Variants in IGHMBP2 observed in about 807,000 individuals in gnomAD.
The protein encoded by IGHMBP2 is DNA-binding protein SMUBP-2.
A neutral mutation model predicts 96.0 loss-of-function variants in IGHMBP2; 81 were observed. That is an observed-to-expected ratio of 0.84 (90% CI 0.71 to 1.01). The LOEUF is 1.01. Ranked by LOEUF, IGHMBP2 falls within the 50% of genes least tolerant of loss-of-function variation. The probability of loss-of-function intolerance (pLI) is 0.00; values close to 1 mark genes in which losing one functional copy is unlikely to be tolerated. For synonymous variants in IGHMBP2, 557 were observed against 548.9 expected, an observed-to-expected ratio of 1.01 and a Z score of -0.21; for missense variants, 1,227 against 1,306.3, an observed-to-expected ratio of 0.94 and a Z score of 0.94.
chr11:68,930,091 C>T (rs1859226416), intron 8 of IGHMBP2: 2 of 1,178,448 alleles, frequency 1.7e-6, no homozygotes, highest in African/African-American at 3.2e-5. Context: ...TGCCCTCTCT[C>T]CAGATGAACC....
intron 8 of IGHMBP2, chr11:68,930,030 G>A: frequency 3.6e-6 from 4 of 1,098,546 alleles, no homozygotes; most frequent in Non-Finnish European, 4.4e-6. Context: ...CAGCCACACA[G>A]GCCTCGCTGG....
In IGHMBP2 at chr11:68,908,597, T is replaced by A; in HGVS notation, c.513T>A (p.Phe171Leu). The A allele has an allele frequency of 6.2e-7, 1 of 1,613,982 alleles. No homozygotes were observed. Among genetic ancestry groups the A allele is most frequent in the South Asian group, 1.1e-5 (1 of 91,078 alleles). Residue 171 changes from phenylalanine to leucine, a missense_variant, in exon 4 of 15, where the codon TTT becomes TTA. Transcript: ENST00000255078. ...GPASSLIEVL[F>L]GRSAPSPASE... ...CCTCCTCACTCATAGAAGTGCTCTT[T>A]GGCAGATCTGCTCCCAGTCCTGCCA...
intron 8 of IGHMBP2, chr11:68,933,044 C>T (rs1470990304): frequency 7.0e-6 from 4 of 567,818 alleles, no homozygotes; most frequent in South Asian, 6.0e-5. Context: ...GCCTCCCCAT[C>T]CCAGGATCCT....
rs11418103 is a variant in IGHMBP2 at position 68,916,975 on chromosome 11, CTTTTTTTTTTTTTTTT to C, written c.913-750_913-735del. On this transcript the variant is annotated intron_variant, in intron 6 of 14. Coordinates refer to ENST00000255078, the MANE Select transcript of IGHMBP2 (RefSeq NM_002180.3). Reference sequence around the variant, plus strand: ...AATCACAAATAAGGAAAGGTTACATCTTTTTTTTTTTTTTTTTTTTTTTTTTAAAGAATCTTGCTCT... The same window carrying C: ...AATCACAAATAAGGAAAGGTTACATCTTTTTTTTTTAAAGAATCTTGCTCT... Among the ~76,000 whole-genome samples, 4 of 103,350 alleles carry C rather than the reference CTTTTTTTTTTTTTTTT, an allele frequency of 3.9e-5. No homozygotes were observed. In the South Asian group the frequency reaches 1.7e-3, roughly 43 times the overall value. 67.8% of individuals were successfully genotyped at this position (103,350 alleles called of 152,430 possible).
chr11:68,938,362 G>A lies in IGHMBP2; in HGVS notation c.2784+8G>A, dbSNP rs939288295. ...AGCCACCACCTGCCCGAGGTATGTCGGCCTCCCCTCCTGCGATCAAACAGT... is the reference window on the plus strand; with the variant it reads ...AGCCACCACCTGCCCGAGGTATGTCAGCCTCCCCTCCTGCGATCAAACAGT... On this transcript the variant is annotated splice_region_variant and intron_variant, in intron 14 of 14. Transcript: ENST00000255078. 4.4e-6 allele frequency: 7 copies of A among 1,604,364 alleles called. No homozygotes were observed. Among genetic ancestry groups the A allele is most frequent in the East Asian group, 2.2e-5 (1 of 44,502 alleles).
intron 7 of IGHMBP2, among the ~76,000 whole-genome samples, chr11:68,918,690 G>T (rs1680302673): frequency 6.6e-6 from 1 of 152,038 alleles, no homozygotes; most frequent in Admixed American, 6.6e-5. Flanking sequence ...AACAAAAAAA[G>T]AGACAGGGTC....
At chr11:68,908,692 G>A in intron 4 of IGHMBP2, 61 bp downstream of exon 4, 1 of 1,161,188 alleles carries the variant, frequency 8.6e-7, no homozygotes, top group Non-Finnish European at 1.3e-6. Context: ...AGAGAACAGT[G>A]TGACCTTGGG....
intron 14 of IGHMBP2, 94 bp from the exon 15 acceptor site, chr11:68,939,440 G>A: frequency 3.0e-6 from 4 of 1,339,918 alleles, no homozygotes; most frequent in Non-Finnish European, 4.2e-6. Context: ...CTCTGTTGGG[G>A]CGCCTGTGGC....
chr11:68,917,970 T>A, intron 7 of IGHMBP2, 87 bp downstream of exon 7: 1 of 1,435,216 alleles, frequency 7.0e-7, no homozygotes, highest in Non-Finnish European at 9.8e-7. Flanking sequence ...AGAGTTTGTT[T>A]AGAATTGGTA....
chr11:68,939,737 C>G lies in IGHMBP2; in HGVS notation c.*6C>G. Reference sequence around the variant, plus strand: ...GGAAGGAGAGGGGGACGTGACCGGCCGCATCCTTGCACGCCCCGCGGAGCT... The same window carrying G: ...GGAAGGAGAGGGGGACGTGACCGGCGGCATCCTTGCACGCCCCGCGGAGCT... On this transcript the variant is annotated 3_prime_UTR_variant, in exon 15 of 15. Transcript: ENST00000255078. 1.9e-6 allele frequency: 3 copies of G among 1,603,914 alleles called. No homozygotes were observed. Among genetic ancestry groups the G allele is most frequent in the East Asian group, 2.2e-5 (1 of 44,540 alleles).
At position 68,914,895 on chromosome 11, in the gene IGHMBP2, A is replaced by G; in HGVS notation, c.784A>G (p.Ile262Val). ...GCGCCTGGCTCTGTGTAAGCAGCGG[A>G]TTCTGCGCCTGGGACACCCTGCCCG... ...VERLALCKQR[I>V]LRLGHPARLL... The change falls in exon 6 of 15, where the codon ATT (isoleucine) becomes GTT (valine). Residue 262 changes from isoleucine to valine, a missense_variant. Coordinates refer to ENST00000255078, the MANE Select transcript of IGHMBP2 (RefSeq NM_002180.3). 1 of 1,614,232 alleles carries G rather than the reference A, an allele frequency of 6.2e-7. No homozygotes were observed. The highest frequency in any genetic ancestry group is 8.5e-7 in the Non-Finnish European group (1 of 1,180,050).
chr11:68,936,242 G>A lies in IGHMBP2; in HGVS notation c.1762G>A (p.Val588Ile), dbSNP rs1566445855. 1.9e-6 allele frequency: 3 copies of A among 1,614,020 alleles called. No individual in the cohort carries two copies. The highest frequency in any genetic ancestry group is 2.5e-6 in the Non-Finnish European group (3 of 1,180,042). The change falls in exon 13 of 15, where the codon GTT (valine) becomes ATT (isoleucine). Residue 588 changes from valine (V) to isoleucine (I), a missense_variant. Val to Ile is a conservative substitution (Grantham distance 29). Around this residue, in one of 3 missense-constraint regions of IGHMBP2, gnomAD observed 703 missense variants for 770.3 expected, o/e 0.91. Coordinates refer to ENST00000255078, the MANE Select transcript of IGHMBP2 (RefSeq NM_002180.3). ...TCCCCTCTGGCCTTTTGTAGGTGAA[G>A]TTGGTTTTCTTGCTGAGGACCGGAG... ...SFVRSNRKGE[V>I]GFLAEDRRIN...
rs367860061 is a variant in IGHMBP2, at chr11:68,908,381, A to G, written c.449+44A>G. 6 of 1,572,136 alleles carry G rather than the reference A, an allele frequency of 3.8e-6. No individual in the cohort carries two copies. The African/African-American group carries it at 8.1e-5, about 21-fold the overall frequency. ...AAATCCTAAGTACCATCTTCCTTCAACACAGCTAATCCATTCTTACATGCC... is the reference window on the plus strand; with the variant it reads ...AAATCCTAAGTACCATCTTCCTTCAGCACAGCTAATCCATTCTTACATGCC... On this transcript the variant is annotated intron_variant, in intron 3 of 14. Coordinates refer to ENST00000255078, the MANE Select transcript of IGHMBP2 (RefSeq NM_002180.3).
At position 68,929,320 on chromosome 11, in the gene IGHMBP2, G is replaced by A. The variant is rs779654686; in HGVS notation, c.1198G>A (p.Asp400Asn). 9 of 1,613,472 alleles carry A rather than the reference G, an allele frequency of 5.6e-6. No homozygotes were observed. Among genetic ancestry groups the A allele is most frequent in the Non-Finnish European group, 6.8e-6 (8 of 1,180,028 alleles). Reference sequence around the variant, plus strand: ...GGCCAGAAAGTGCATCCTGGCGGGCGATCACAAGCAGCTGCCCCCCACCAC... The same window carrying A: ...GGCCAGAAAGTGCATCCTGGCGGGCAATCACAAGCAGCTGCCCCCCACCAC... Reference protein sequence around the residue: ...LKARKCILAGDHKQLPPTTVS... With the variant: ...LKARKCILAGNHKQLPPTTVS... The change falls in exon 8 of 15, where the codon GAT (aspartate) becomes AAT (asparagine). Residue 400 changes from aspartate (D) to asparagine (N), a missense_variant. Around this residue, in one of 3 missense-constraint regions of IGHMBP2, gnomAD observed 17 missense variants for 39.1 expected, o/e 0.43. Coordinates refer to ENST00000255078, the MANE Select transcript of IGHMBP2 (RefSeq NM_002180.3).
intron 5 of IGHMBP2, among the ~76,000 whole-genome samples, chr11:68,913,672 G>A (rs959031311): frequency 2.6e-5 from 4 of 151,910 alleles, no homozygotes; most frequent in African/African-American, 7.2e-5. Context: ...TTATCCTAGC[G>A]CTTTGGGAGG....
At position 68,935,426 on chromosome 11, in the gene IGHMBP2, C is replaced by T. The variant is rs778913429; in HGVS notation, c.1756+4C>T. The stretch of plus-strand genomic sequence containing the variant: ...TTCGTCAGATCCAACAGGAAAGGTA[C>T]GGAGCCCTCGCCAGAGTCCTTTGGG... On this transcript the variant is annotated splice_donor_region_variant and intron_variant, in intron 12 of 14. Transcript: ENST00000255078. 102 of 1,613,782 alleles carry T rather than the reference C, an allele frequency of 6.3e-5. No homozygotes were observed. In the Admixed American group the frequency reaches 8.2e-4, roughly 13 times the overall value.
chr11:68,934,073 CGTTT>C, intron 10 of IGHMBP2, 160 bp downstream of exon 10: 1 of 688,588 alleles, frequency 1.5e-6, no homozygotes, highest in Non-Finnish European at 2.6e-6. Context: ...TGAGCAGCAT[CGTTT>C]TCTCCAGGGT....
At chr11:68,907,914 C>A (rs1858266301) in intron 2 of IGHMBP2, among the ~76,000 whole-genome samples, 1 of 152,022 alleles carries the variant, frequency 6.6e-6, no homozygotes, top group Non-Finnish European at 1.5e-5. Flanking sequence ...TGGTCTCAAT[C>A]TCCTGACCTC....
chr11:68,903,997 C>T lies in IGHMBP2; in HGVS notation c.45C>T (p.Asp15=). ...AVESFVTKQL[D]LLELERDAEV... is the part of the protein sequence containing the mutation. The stretch of plus-strand genomic sequence containing the variant: ...AGAGCTTCGTGACCAAGCAACTGGA[C>T]CTGCTGGAGCTTGAGAGAGACGCGG... The change falls in exon 1 of 15, where the codon GAC becomes GAT. Residue 15 remains aspartate, a synonymous_variant. Transcript: ENST00000255078. 1.9e-6 allele frequency: 3 copies of T among 1,551,546 alleles called. No homozygotes were observed. The highest frequency in any genetic ancestry group is 2.6e-6 in the Non-Finnish European group (3 of 1,147,392).
Sources: allele counts gnomAD v4.1 joint callset (sites outside exome capture counted in the v4.1 genomes callset), GRCh38; gene constraint gnomAD v4.1.1; regional missense constraint gnomAD v4.1.1; transcripts MANE v1.5; gene names NCBI Gene and HGNC (gene_info 2026-07-23, HGNC 2026-07-21).